MCTP2: variants seen among roughly 807,000 people sequenced by gnomAD.
The protein encoded by MCTP2 is multiple C2 and transmembrane domain-containing protein 2.
A neutral mutation model predicts 111.6 loss-of-function variants in MCTP2; 132 were observed. The observed-to-expected ratio is 1.18, with a 90% CI of 1.03 to 1.37. MCTP2 has a LOEUF of 1.37. Ranked by LOEUF, MCTP2 falls within the 40% of genes most tolerant of loss-of-function variation. The probability of loss-of-function intolerance (pLI) is 0.00; values close to 1 mark genes in which losing one functional copy is unlikely to be tolerated. For missense variants in MCTP2, 1,183 were observed against 1,067.9 expected (o/e 1.11, Z -1.50); for synonymous variants, 395 against 387.7 (o/e 1.02, Z -0.22).
At chr15:94,317,072 A>G (rs559987199) in intron 4 of MCTP2, among the ~76,000 whole-genome samples, 7 of 152,112 alleles carry the variant, frequency 4.6e-5, no homozygotes, top group African/African-American at 1.2e-4. Context: ...CTGTTTACCA[A>G]TTGTTATGTT....
At chr15:94,419,107 C>G (rs546576875) in intron 17 of MCTP2, among the ~76,000 whole-genome samples, 4 of 151,884 alleles carry the variant, frequency 2.6e-5, no homozygotes, top group Admixed American at 6.6e-5. Flanking sequence ...ATAATAAAAG[C>G]GAGAAACATA....
intron 1 of MCTP2, among the ~76,000 whole-genome samples, chr15:94,247,833 A>G (rs769340676): frequency 2.1e-4 from 32 of 152,180 alleles, no homozygotes; most frequent in Non-Finnish European, 3.7e-4. Context: ...GATTTCTAGT[A>G]AATATTCAGT....
intron 4 of MCTP2, among the ~76,000 whole-genome samples, chr15:94,316,073 A>G (rs1482506868): frequency 6.6e-6 from 1 of 152,156 alleles, no homozygotes; most frequent in Non-Finnish European, 1.5e-5. Flanking sequence ...ACTCCCTCTA[A>G]TAGCTAGTGT....
intron 1 of MCTP2, among the ~76,000 whole-genome samples, chr15:94,295,721 T>G (rs750454901): frequency 3.9e-5 from 6 of 152,142 alleles, no homozygotes; most frequent in Non-Finnish European, 8.8e-5. Context: ...GATTTTTAGT[T>G]CATCAAAATG....
chr15:94,287,536 A>G (rs2074818787), intron 1 of MCTP2, among the ~76,000 whole-genome samples: 1 of 152,162 alleles, frequency 6.6e-6, no homozygotes, highest in Non-Finnish European at 1.5e-5. Flanking sequence ...ATACTTGGAG[A>G]AACTATGGTC....
chr15:94,345,937 G>A (rs557033756), intron 8 of MCTP2, among the ~76,000 whole-genome samples: 8 of 152,008 alleles, frequency 5.3e-5, no homozygotes, highest in Non-Finnish European at 1.2e-4. Context: ...GTGGTGGTGT[G>A]TGTGATCGGA....
chr15:94,464,256 A>ATATTATATATATATATATATATT (rs1555481424), intron 20 of MCTP2, among the ~76,000 whole-genome samples: 1 of 43,966 alleles, frequency 2.3e-5, no homozygotes, highest in African/African-American at 1.1e-4. Context: ...ATATATATAT[A>ATATTATATATATATATATATATT]TTATATATAT....
rs2074787753 is a variant in MCTP2, at chr15:94,482,713, T to C, written c.*3679T>C. 6.6e-6 allele frequency: 1 copy of C among 152,192 alleles called. No homozygotes were observed. Among genetic ancestry groups the C allele is most frequent in the South Asian group, 2.1e-4 (1 of 4,830 alleles). The allele number at this position is 152,192 out of a possible 1,614,324, so 9.4% of individuals were successfully genotyped here. On this transcript the variant is annotated 3_prime_UTR_variant, in exon 23 of 23. Transcript: ENST00000357742. ...GATCAAAACTACATGCTTCAAGAAA[T>C]TAAACCTTGAAGAACTCAACAGTTA... is the stretch of plus-strand genomic sequence containing the variant.
intron 18 of MCTP2, among the ~76,000 whole-genome samples, chr15:94,441,057 A>G (rs756427994): frequency 1.3e-5 from 2 of 152,188 alleles, no homozygotes; most frequent in Non-Finnish European, 2.9e-5. Flanking sequence ...TTTTTAAAAC[A>G]AAAATCTAAA....
At chr15:94,328,157 T>C (rs575264536) in intron 4 of MCTP2, among the ~76,000 whole-genome samples, 157 of 151,008 alleles carry the variant, frequency 1.0e-3, no homozygotes, top group African/African-American at 3.6e-3. Context: ...AGATGGGAGT[T>C]TTGCTCTGTC....
chr15:94,314,216 G>C, intron 2 of MCTP2, 66 bp from the exon 3 acceptor site: 1 of 1,063,902 alleles, frequency 9.4e-7, no homozygotes, highest in Non-Finnish European at 1.4e-6. Flanking sequence ...CCTGATAGAG[G>C]GTATCTTCCT....
chr15:94,390,104 ATATATATATG>A lies in MCTP2; in HGVS notation c.1788+4589_1788+4598del, dbSNP rs1567603292. 1.0e-4 allele frequency among the ~76,000 whole-genome samples: 4 copies of A among 40,138 alleles called. 1 individual carries two copies. The highest frequency in any genetic ancestry group is 1.2e-4 in the African/African-American group (2 of 17,196). 26.3% of individuals were successfully genotyped at this position (40,138 alleles called of 152,430 possible). A position where few individuals can be genotyped will look rare whatever the true frequency, so the allele number is the denominator to read the frequency against. On this transcript the variant is annotated intron_variant, in intron 14 of 22. Coordinates refer to ENST00000357742, the MANE Select transcript of MCTP2 (RefSeq NM_001385001.1). Reference sequence around the variant, plus strand: ...TATATATATATGTATATATATATATATATATATATGTATATATATATATATATACTTAGAT... The same window carrying A: ...TATATATATATGTATATATATATATATATATATATATATATATACTTAGAT...
intron 1 of MCTP2, among the ~76,000 whole-genome samples, chr15:94,291,594 T>C (rs1380966667): frequency 2.7e-5 from 4 of 149,924 alleles, no homozygotes; most frequent in Admixed American, 6.6e-5. Flanking sequence ...AGAGCGAAAC[T>C]CTGTCTCAAA....
At chr15:94,244,807 C>A (rs28971639) in intron 1 of MCTP2, among the ~76,000 whole-genome samples, 1 of 119,070 alleles carries the variant, frequency 8.4e-6, no homozygotes, top group Non-Finnish European at 1.8e-5. Flanking sequence ...TGTTTATATA[C>A]GTATATGTAT....
At chr15:94,398,234 A>G (rs76806686) in intron 14 of MCTP2, among the ~76,000 whole-genome samples, 1 of 152,040 alleles carries the variant, frequency 6.6e-6, no homozygotes, top group Admixed American at 6.6e-5. Context: ...AAGCTGATTT[A>G]TTTACTTAAT....
At chr15:94,415,797 A>G (rs189018201) in intron 17 of MCTP2, among the ~76,000 whole-genome samples, 4 of 152,294 alleles carry the variant, frequency 2.6e-5, no homozygotes, top group African/African-American at 4.8e-5. Flanking sequence ...TCCTCTCTGC[A>G]TTGGAGAATC....
chr15:94,440,206 C>T lies in MCTP2; in HGVS notation c.2116C>T (p.Leu706=), dbSNP rs1383448936. The stretch of plus-strand genomic sequence containing the variant: ...TTTGATCACTGTCTGGAATTTTGAA[C>T]TATATATGATCCCCTTGGCATTGTT... ...VFLITVWNFE[L]YMIPLALLLI... The change falls in exon 18 of 23, where the codon CTA becomes TTA. Residue 706 remains leucine (L), a synonymous_variant. Transcript: ENST00000357742. 1.2e-6 allele frequency: 2 copies of T among 1,613,872 alleles called. No homozygotes were observed. The highest frequency in any genetic ancestry group is 2.2e-5 in the South Asian group (2 of 91,052).
At chr15:94,299,294 C>G (rs1273220211) in intron 2 of MCTP2, among the ~76,000 whole-genome samples, 3 of 151,738 alleles carry the variant, frequency 2.0e-5, no homozygotes, top group Non-Finnish European at 4.4e-5. Flanking sequence ...AAATTAAGTA[C>G]CTAACTTTTC....
intron 8 of MCTP2, among the ~76,000 whole-genome samples, chr15:94,349,297 T>A (rs2078167761): frequency 6.6e-6 from 1 of 152,178 alleles, no homozygotes; most frequent in Admixed American, 6.5e-5. Context: ...AGGGACTGTC[T>A]TCCTTAACAT....
Sources: allele counts gnomAD v4.1 joint callset (sites outside exome capture counted in the v4.1 genomes callset), GRCh38; gene constraint gnomAD v4.1.1; transcripts MANE v1.5; gene names NCBI Gene and HGNC (gene_info 2026-07-23, HGNC 2026-07-21).